MMRN1: variants seen among roughly 807,000 people sequenced by gnomAD.
MMRN1 encodes multimerin-1.
MMRN1 carries 94 observed loss-of-function variants against 100.7 expected under a neutral mutation model. That is an observed-to-expected ratio of 0.93 (90% confidence interval 0.79 to 1.11). The LOEUF (loss-of-function observed/expected upper bound fraction) is 1.11, where lower values mean the gene tolerates loss of function less well. Among genes scored for constraint, MMRN1 ranks in the 50% least tolerant of loss-of-function variants. The probability of loss-of-function intolerance (pLI) is 0.00; values close to 1 mark genes in which losing one functional copy is unlikely to be tolerated. For missense variants in MMRN1, 1,606 were observed against 1,439.1 expected, an observed-to-expected ratio of 1.12 and a Z score of -1.88; for synonymous variants, 575 against 505.0, an observed-to-expected ratio of 1.14 and a Z score of -1.86.
In MMRN1 at chr4:89,935,790, A is replaced by C; in HGVS notation, c.2110A>C (p.Asn704His). The C allele has an allele frequency of 6.2e-7, 1 of 1,613,090 alleles. No homozygotes were observed. The highest frequency in any genetic ancestry group is 8.5e-7 in the Non-Finnish European group (1 of 1,179,594). The change falls in exon 6 of 8, where the codon AAT becomes CAT. Residue 704 changes from asparagine (N) to histidine (H), a missense_variant. Coordinates refer to ENST00000264790, the MANE Select transcript of MMRN1 (RefSeq NM_007351.3). ...ELTKRHNLLR[N>H]EVQGRDDALE... ...TACAAAAAGACACAACTTACTTAGA[A>C]ATGAAGTACAGGGTCGTGATGATGC... is the stretch of plus-strand genomic sequence containing the variant.
chr4:89,951,447 C>T (rs1723171291), intron 6 of MMRN1, 158 bp from the exon 7 acceptor site: 2 of 588,748 alleles, frequency 3.4e-6, no homozygotes, highest in South Asian at 4.2e-5. Flanking sequence ...ATTTGCATGA[C>T]GTCCTGTGCC....
At chr4:89,909,524 T>C in intron 2 of MMRN1, 129 bp downstream of exon 2, 1 of 1,184,540 alleles carries the variant, frequency 8.4e-7, no homozygotes, top group Non-Finnish European at 1.2e-6. Flanking sequence ...CACATTATGC[T>C]TTAGTAAGTG....
intron 3 of MMRN1, among the ~76,000 whole-genome samples, chr4:89,917,711 C>T (rs1024240410): frequency 9.2e-5 from 14 of 151,728 alleles, no homozygotes; most frequent in Non-Finnish European, 1.3e-4. Context: ...TATAGGGAAC[C>T]CTCTCAACCT....
chr4:89,935,729 T>G lies in MMRN1; in HGVS notation c.2049T>G (p.Ser683Arg). ...GGAAAAAGATAGAAAATCTGACTAG[T>G]GCTGTCAATAGTCTAAATTTTATTA... ...VIRKKIENLT[S>R]AVNSLNFIIK... The change falls in exon 6 of 8, where the codon AGT becomes AGG. Residue 683 changes from serine to arginine, a missense_variant. Physicochemically the swap from Ser to Arg is moderately radical, Grantham distance 110 (BLOSUM62 -1). Coordinates refer to ENST00000264790, the MANE Select transcript of MMRN1 (RefSeq NM_007351.3). The G allele has an allele frequency of 6.2e-7, 1 of 1,611,904 alleles. No individual in the cohort carries two copies. Among genetic ancestry groups the G allele is most frequent in the Non-Finnish European group, 8.5e-7 (1 of 1,179,334 alleles).
rs75749135 is a variant in MMRN1 at position 89,935,413 on chromosome 4, C to G, written c.1733C>G (p.Thr578Ser). The change falls in exon 6 of 8, where the codon ACC becomes AGC. Residue 578 changes from threonine (T) to serine (S), a missense_variant. By Grantham distance (58) the Thr-to-Ser change is moderately conservative. Transcript: ENST00000264790. The stretch of plus-strand genomic sequence containing the variant: ...CAAGAAAGCAAGATTAACAATCTCA[C>G]CGTCTCTTTGGAGATGGAGAAAGAG... ...HIQESKINNL[T>S]VSLEMEKESL... The G allele has an allele frequency of 1.1e-3, 1,785 of 1,613,432 alleles. 27 individuals carry two copies. The African/African-American group carries it at 0.021, about 19-fold the overall frequency.
Position 89,895,151 on chromosome 4 carries a change from C to A in MMRN1, c.180C>A (p.Val60=). 1 of 1,613,838 alleles carries A rather than the reference C, an allele frequency of 6.2e-7. No homozygotes were observed. Among genetic ancestry groups the A allele is most frequent in the South Asian group, 1.1e-5 (1 of 91,054 alleles). Residue 60 remains valine, a synonymous_variant, in exon 1 of 8, where the codon GTC becomes GTA. Coordinates refer to ENST00000264790, the MANE Select transcript of MMRN1 (RefSeq NM_007351.3). ...QSLQILPTTR[V]MSAEIATTPE... is the part of the protein sequence containing the mutation. ...TGCAAATACTGCCAACCACTCGGGTCATGTCGGCGGAGATAGCTACAACTC... is the reference window on the plus strand; with the variant it reads ...TGCAAATACTGCCAACCACTCGGGTAATGTCGGCGGAGATAGCTACAACTC...
chr4:89,879,992 A>G (rs1485007233), intron 1 of MMRN1, among the ~76,000 whole-genome samples: 1 of 152,190 alleles, frequency 6.6e-6, no homozygotes, highest in Non-Finnish European at 1.5e-5. Context: ...TTTTAATTTT[A>G]CAGATATTCT....
rs986196624 is a variant in MMRN1 at position 89,909,357 on chromosome 4, A to G, written c.705A>G (p.Lys235=). 6.2e-7 allele frequency: 1 copy of G among 1,610,152 alleles called. No homozygotes were observed. Among genetic ancestry groups the G allele is most frequent in the African/African-American group, 1.3e-5 (1 of 74,696 alleles). ...DNQVTYVPGG[K]GPCGWTGGSC... is the part of the protein sequence containing the mutation. ...AGGTCACTTATGTCCCAGGTGGGAA[A>G]GGACCTTGTGGCTGGACCGGTGGAT... The change falls in exon 2 of 8, where the codon AAA becomes AAG. Residue 235 remains lysine, a synonymous_variant. Coordinates refer to ENST00000264790, the MANE Select transcript of MMRN1 (RefSeq NM_007351.3).
At chr4:89,914,073 T>C (rs185955192) in intron 3 of MMRN1, among the ~76,000 whole-genome samples, 2 of 151,384 alleles carry the variant, frequency 1.3e-5, no homozygotes, top group Non-Finnish European at 3.0e-5. Flanking sequence ...TAGGAACTAC[T>C]GTGTCCTTTG....
chr4:89,913,394 A>G, intron 3 of MMRN1, among the ~76,000 whole-genome samples: 1 of 151,430 alleles, frequency 6.6e-6, no homozygotes, highest in African/African-American at 2.4e-5. Flanking sequence ...GCAGGGAAAA[A>G]GTCTACTAAT....
intron 3 of MMRN1, among the ~76,000 whole-genome samples, chr4:89,914,585 G>A (rs1037847868): frequency 6.6e-6 from 1 of 151,398 alleles, no homozygotes; most frequent in Non-Finnish European, 1.5e-5. Context: ...GTTCTGATAT[G>A]TTTTACATTT....
At chr4:89,890,248 T>A (rs999422942), upstream of MMRN1, among the ~76,000 whole-genome samples, 25 of 151,318 alleles carry the variant, frequency 1.7e-4, no homozygotes, top group African/African-American at 5.3e-4. Context: ...TTTTTTTTTT[T>A]TCCCCTGTGC....
chr4:89,919,193 A>G (rs1034129030), intron 3 of MMRN1, among the ~76,000 whole-genome samples: 2 of 151,438 alleles, frequency 1.3e-5, no homozygotes, highest in Non-Finnish European at 3.0e-5. Context: ...AAAAAGAAAT[A>G]ATTTAAAATT....
At chr4:89,916,082 A>T (rs28648550) in intron 3 of MMRN1, among the ~76,000 whole-genome samples, 1 of 151,766 alleles carries the variant, frequency 6.6e-6, no homozygotes, top group Admixed American at 6.6e-5. Context: ...CCACTGTCAG[A>T]GATCCTATCA....
intron 1 of MMRN1, among the ~76,000 whole-genome samples, chr4:89,887,990 A>C (rs1720974011): frequency 6.6e-6 from 1 of 151,934 alleles, no homozygotes; most frequent in African/African-American, 2.4e-5. Context: ...ACCATATGAA[A>C]TTGTTCTACA....
At chr4:89,948,147 C>CA (rs1343171639) in intron 6 of MMRN1, among the ~76,000 whole-genome samples, 2 of 152,310 alleles carry the variant, frequency 1.3e-5, no homozygotes, top group East Asian at 3.9e-4. Context: ...CCACCGTACC[C>CA]AGCCAAAAGT....
intron 6 of MMRN1, among the ~76,000 whole-genome samples, chr4:89,948,913 G>A (rs1351960654): frequency 6.6e-6 from 1 of 152,034 alleles, no homozygotes; most frequent in Non-Finnish European, 1.5e-5. Flanking sequence ...AAGAAGTTTG[G>A]GCTACTGTAA....
upstream of MMRN1, among the ~76,000 whole-genome samples, chr4:89,891,490 A>G (rs1721053217): frequency 2.0e-5 from 3 of 152,234 alleles, no homozygotes; most frequent in Non-Finnish European, 1.5e-5. Flanking sequence ...TTTAAGTTTA[A>G]CTTCCCATGA....
intron 3 of MMRN1, among the ~76,000 whole-genome samples, chr4:89,919,577 A>AT (rs1322391055): frequency 1.3e-5 from 2 of 151,646 alleles, no homozygotes; most frequent in African/African-American, 4.8e-5. Flanking sequence ...TATTGAATTT[A>AT]TTTTTTATAA....
Sources: allele counts gnomAD v4.1 joint callset (sites outside exome capture counted in the v4.1 genomes callset), GRCh38; gene constraint gnomAD v4.1.1; transcripts MANE v1.5; gene names NCBI Gene and HGNC (gene_info 2026-07-23, HGNC 2026-07-21).